Variants in SYBU observed in about 807,000 individuals in gnomAD.
SYBU encodes syntabulin, also known as GOLSYN A protein.
In SYBU, 21 loss-of-function variants were observed where a neutral mutation model predicts 35.9. That is an observed-to-expected ratio of 0.58 (90% CI 0.41 to 0.84). The LOEUF (loss-of-function observed/expected upper bound fraction) is 0.84. Among genes scored for constraint, SYBU ranks in the 40% least tolerant of loss-of-function variants. SYBU has a pLI of 0.00. For missense variants in SYBU, 768 were observed against 848.2 expected, an observed-to-expected ratio of 0.91 and a Z score of 1.17; for synonymous variants, 319 against 324.3, an observed-to-expected ratio of 0.98 and a Z score of 0.18.
intron 1 of SYBU, among the ~76,000 whole-genome samples, chr8:109,672,727 G>T (rs1195098199): frequency 6.6e-6 from 1 of 152,172 alleles, no homozygotes; most frequent in Non-Finnish European, 1.5e-5. Flanking sequence ...GGACCCAAGT[G>T]GTCTAGCTCA....
intron 1 of SYBU, among the ~76,000 whole-genome samples, chr8:109,668,165 G>GGAGA (rs60330422): frequency 0.36 from 31,558 of 88,448 alleles, 6,701 homozygotes; most frequent in Non-Finnish European, 0.43. Flanking sequence ...GGGGAGAGGG[G>GGAGA]GAGAGAGAGA....
At chr8:109,613,429 A>G (rs4449761) in intron 3 of SYBU, among the ~76,000 whole-genome samples, 3,229 of 152,312 alleles carry the variant, frequency 0.021, 53 homozygotes, top group African/African-American at 0.041. Context: ...ACAGAGTCTC[A>G]AGAAGACAAC....
chr8:109,609,772 A>C (rs998077379), intron 3 of SYBU, among the ~76,000 whole-genome samples: 54 of 152,152 alleles, frequency 3.5e-4, no homozygotes, highest in Non-Finnish European at 2.1e-4. Flanking sequence ...TCTCTAAAAT[A>C]ATAAATAATT....
intron 6 of SYBU, 70 bp downstream of exon 6, chr8:109,577,798 T>G: frequency 7.0e-7 from 1 of 1,434,086 alleles, no homozygotes. Context: ...TTCTATAGTT[T>G]GGGTTCATAT....
At chr8:109,622,572 G>T (rs1216711706) in intron 2 of SYBU, among the ~76,000 whole-genome samples, 1 of 152,106 alleles carries the variant, frequency 6.6e-6, no homozygotes, top group Non-Finnish European at 1.5e-5. Context: ...AAGCCAAGCT[G>T]ATGTTCTTTG....
At chr8:109,658,042 T>C (rs1050698926) in intron 1 of SYBU, among the ~76,000 whole-genome samples, 9 of 152,216 alleles carry the variant, frequency 5.9e-5, no homozygotes, top group African/African-American at 2.2e-4. Context: ...CTTTCTTCAT[T>C]CACCAGTAAG....
rs67666534 is a variant in SYBU at position 109,663,258 on chromosome 8, CAGATAGATAGATAGATAGATAGAT to C, written c.-129+17429_-129+17452del. On this transcript the variant is annotated intron_variant, in intron 1 of 5. Coordinates refer to the SYBU transcript ENST00000408889. ...AGGGTCAGTTTAATAAAAATACATACAGATAGATAGATAGATAGATAGATAGATAGATAGATAGATAGGTAGATA... is the reference window on the plus strand; with the variant it reads ...AGGGTCAGTTTAATAAAAATACATACAGATAGATAGATAGATAGGTAGATA... Among the ~76,000 whole-genome samples, 466 of 149,148 alleles carry C rather than the reference CAGATAGATAGATAGATAGATAGAT, an allele frequency of 3.1e-3. 1 individual carries two copies. The highest frequency in any genetic ancestry group is 0.01 in the Middle Eastern group (3 of 288).
At chr8:109,604,233 G>A (rs562831987) in intron 3 of SYBU, among the ~76,000 whole-genome samples, 11 of 152,172 alleles carry the variant, frequency 7.2e-5, no homozygotes, top group African/African-American at 2.7e-4. Flanking sequence ...GCCTCTAAGG[G>A]CATACATAGT....
chr8:109,647,321 A>T (rs1175775323), upstream of SYBU: 6 of 151,798 alleles, frequency 4.0e-5, no homozygotes, highest in Admixed American at 6.6e-5. Flanking sequence ...GAGGTTTTGT[A>T]TTCTCTTTTT....
chr8:109,663,201 A>T (rs537123936), intron 1 of SYBU, among the ~76,000 whole-genome samples: 5 of 152,262 alleles, frequency 3.3e-5, no homozygotes, highest in Admixed American at 6.5e-5. Context: ...CATAAAACAT[A>T]GGCTCTCTCA....
intron 3 of SYBU, among the ~76,000 whole-genome samples, chr8:109,604,586 G>A (rs547243786): frequency 1.3e-5 from 2 of 152,200 alleles, no homozygotes; most frequent in Non-Finnish European, 2.9e-5. Flanking sequence ...AAAAGGAAGG[G>A]TGGAAATGCT....
At chr8:109,676,696 G>T (rs1286806930) in intron 1 of SYBU, among the ~76,000 whole-genome samples, 1 of 152,130 alleles carries the variant, frequency 6.6e-6, no homozygotes, top group African/African-American at 2.4e-5. Flanking sequence ...AAATATAAAT[G>T]ATTGAGAATT....
chr8:109,644,240 C>T (rs1206541453), intron 1 of SYBU: 1 of 485,044 alleles, frequency 2.1e-6, no homozygotes, highest in Admixed American at 2.3e-5. Flanking sequence ...GCGCCAGCCA[C>T]TCCGCCGGGC....
Position 109,691,596 on chromosome 8 carries a change from A to T in SYBU, c.-321T>A. 2.3e-6 allele frequency: 1 copy of T among 427,160 alleles called. No homozygotes were observed. Among genetic ancestry groups the T allele is most frequent in the Non-Finnish European group, 4.1e-6 (1 of 243,916 alleles). The allele number at this position is 427,160 out of a possible 1,614,324, so 26.5% of individuals were successfully genotyped here. Reference sequence around the variant, plus strand: ...GCCAGCCGGGCGGCTGCTGGGGCTGAGGACAAAATGGAGAGAAGGGCGGGG... The same window carrying T: ...GCCAGCCGGGCGGCTGCTGGGGCTGTGGACAAAATGGAGAGAAGGGCGGGG... On this transcript the variant is annotated 5_prime_UTR_variant, in exon 1 of 8. Transcript: ENST00000422135. The surrounding 1 kb of genome is among the most constrained non-coding windows in gnomAD (Gnocchi z 4.7).
chr8:109,667,475 T>A (rs1229748747), intron 1 of SYBU, among the ~76,000 whole-genome samples: 2 of 151,510 alleles, frequency 1.3e-5, no homozygotes, highest in Non-Finnish European at 2.9e-5. Context: ...TAAAACACCA[T>A]TGCCATCAAT....
intron 3 of SYBU, among the ~76,000 whole-genome samples, chr8:109,601,603 G>A (rs916893303): frequency 1.3e-5 from 2 of 152,126 alleles, no homozygotes; most frequent in African/African-American, 2.4e-5. Flanking sequence ...AGGGTGAAGG[G>A]ATGAGGGCAG....
rs534423650 is a variant in SYBU, at chr8:109,607,443, G to A, written c.427+11399C>T. On this transcript the variant is annotated intron_variant, in intron 3 of 6. Transcript: ENST00000276646. Reference sequence around the variant, plus strand: ...GCTCTCTCTTGATAATAAATACATCGTGTTTCAGCCTACACAGAGGCCCAC... The same window carrying A: ...GCTCTCTCTTGATAATAAATACATCATGTTTCAGCCTACACAGAGGCCCAC... Among the ~76,000 whole-genome samples, 7 of 152,142 alleles carry A rather than the reference G, an allele frequency of 4.6e-5. No homozygotes were observed. The East Asian group carries it at 7.7e-4, about 17-fold the overall frequency.
At chr8:109,603,818 C>T (rs1825795880) in intron 3 of SYBU, among the ~76,000 whole-genome samples, 2 of 152,200 alleles carry the variant, frequency 1.3e-5, no homozygotes, top group Non-Finnish European at 1.5e-5. Context: ...TTAAAACACA[C>T]ATTTCAGTAC....
chr8:109,650,600 C>T (rs1466733812), intron 1 of SYBU, among the ~76,000 whole-genome samples: 1 of 152,166 alleles, frequency 6.6e-6, no homozygotes, highest in Non-Finnish European at 1.5e-5. Context: ...TCCTGTGAAC[C>T]ACTGTCCTTT....
Sources: allele counts gnomAD v4.1 joint callset (sites outside exome capture counted in the v4.1 genomes callset), GRCh38; gene constraint gnomAD v4.1.1; non-coding constraint Gnocchi (gnomAD v3.1); transcripts MANE v1.5; gene names NCBI Gene and HGNC (gene_info 2026-07-23, HGNC 2026-07-21).